Variants in EPSTI1 observed in about 807,000 individuals in gnomAD.
EPSTI1 encodes epithelial-stromal interaction protein 1.
EPSTI1 carries 66 observed loss-of-function variants against 49.9 expected under a neutral mutation model. That is an observed-to-expected ratio of 1.32 (90% CI 1.08 to 1.62). The LOEUF (loss-of-function observed/expected upper bound fraction) is 1.62, where lower values mean the gene tolerates loss of function less well. Among genes scored for constraint, EPSTI1 ranks in the 40% most tolerant of loss-of-function variants. The pLI is 0.00. For missense variants in EPSTI1, 394 were observed against 365.5 expected (o/e 1.08, Z -0.64); for synonymous variants, 137 against 130.7 (o/e 1.05, Z -0.33).
chr13:42,959,469 G>A (rs1423552094), intron 5 of EPSTI1, among the ~76,000 whole-genome samples: 1 of 152,168 alleles, frequency 6.6e-6, no homozygotes, highest in Non-Finnish European at 1.5e-5. Flanking sequence ...CCCTAAAATT[G>A]TTCTTAAACT....
chr13:42,942,879 G>A (rs1297062936), intron 6 of EPSTI1, among the ~76,000 whole-genome samples: 4 of 151,422 alleles, frequency 2.6e-5, no homozygotes, highest in Admixed American at 1.3e-4. Flanking sequence ...TAGTAGAGAC[G>A]GGGTTTCACC....
chr13:42,970,710 A>G, intron 1 of EPSTI1, 40 bp from the exon 2 acceptor site: 1 of 1,519,906 alleles, frequency 6.6e-7, no homozygotes, highest in South Asian at 1.2e-5. Context: ...TACCATGAGA[A>G]ACTACCAATG....
intron 5 of EPSTI1, among the ~76,000 whole-genome samples, chr13:42,958,340 C>CAT (rs2039337448): frequency 6.6e-6 from 1 of 152,002 alleles, no homozygotes; most frequent in South Asian, 2.1e-4. Context: ...AAGTTCGAAC[C>CAT]ATAATGCTTG....
chr13:42,908,483 T>TAAA (rs1566106781), intron 8 of EPSTI1, among the ~76,000 whole-genome samples: 2 of 61,098 alleles, frequency 3.3e-5, no homozygotes, highest in Non-Finnish European at 8.1e-5. Flanking sequence ...GACTCTGTTA[T>TAAA]GAAAAAAAAA....
chr13:42,893,661 A>G (rs2037103586), intron 10 of EPSTI1, among the ~76,000 whole-genome samples: 1 of 152,222 alleles, frequency 6.6e-6, no homozygotes, highest in Non-Finnish European at 1.5e-5. Flanking sequence ...GCAGAAGCCT[A>G]TGCAATATCC....
intron 7 of EPSTI1, among the ~76,000 whole-genome samples, chr13:42,924,067 T>C (rs1027255365): frequency 4.1e-4 from 63 of 152,246 alleles, no homozygotes; most frequent in Admixed American, 2.6e-4. Context: ...CAAAGAAATG[T>C]TCTTCACAGA....
intron 7 of EPSTI1, among the ~76,000 whole-genome samples, chr13:42,917,912 T>A (rs1434894890): frequency 6.6e-6 from 1 of 152,218 alleles, no homozygotes; most frequent in Non-Finnish European, 1.5e-5. Flanking sequence ...CCCTCAGAGA[T>A]AATCAACATA....
At chr13:42,916,968 C>T (rs1298831494) in intron 8 of EPSTI1, among the ~76,000 whole-genome samples, 1 of 152,140 alleles carries the variant, frequency 6.6e-6, no homozygotes. Flanking sequence ...AGAAATTTCA[C>T]ATTGTAATGA....
intron 6 of EPSTI1, among the ~76,000 whole-genome samples, chr13:42,936,024 C>G (rs1385468284): frequency 2.6e-5 from 4 of 152,206 alleles, no homozygotes; most frequent in Non-Finnish European, 4.4e-5. Flanking sequence ...CTTCCTATAT[C>G]TGTACCTATC....
chr13:42,968,782 G>A (rs983471557), intron 3 of EPSTI1, among the ~76,000 whole-genome samples: 1 of 152,036 alleles, frequency 6.6e-6, no homozygotes, highest in Non-Finnish European at 1.5e-5. Context: ...CAGGGCATAT[G>A]CAGCGCCCCA....
chr13:42,992,113 G>A lies in EPSTI1; in HGVS notation c.53C>T (p.Ser18Phe). 1 of 1,609,540 alleles carries A rather than the reference G, an allele frequency of 6.2e-7. No homozygotes were observed. Among genetic ancestry groups the A allele is most frequent in the Non-Finnish European group, 8.5e-7 (1 of 1,178,616 alleles). The change falls in exon 1 of 11, where the codon TCC (serine) becomes TTC (phenylalanine). Residue 18 changes from serine to phenylalanine, a missense_variant. Ser to Phe is a radical substitution (Grantham distance 155, BLOSUM62 -2). Transcript: ENST00000313624. ...GTCCTGGGGATCCCGGGTCGGGCGG[G>A]AGGCAGGGGAGGCGCCGAGCCCGGA... is the stretch of plus-strand genomic sequence containing the variant. ...VNSGLGASPA[S>F]RPTRDPQDPS...
intron 1 of EPSTI1, among the ~76,000 whole-genome samples, chr13:42,983,218 G>A (rs1055501315): frequency 3.9e-5 from 6 of 152,086 alleles, no homozygotes; most frequent in African/African-American, 7.2e-5. Flanking sequence ...TTACTGCTTC[G>A]ATATTACCAC....
intron 3 of EPSTI1, among the ~76,000 whole-genome samples, chr13:42,968,524 TC>T (rs1290290485): frequency 1.9e-4 from 29 of 152,234 alleles, no homozygotes; most frequent in African/African-American, 7.0e-4. Flanking sequence ...TCTGAATGAT[TC>T]AAACACCGGC....
chr13:42,888,147 T>G lies in EPSTI1; in HGVS notation c.*347A>C. 1 of 1,370,104 alleles carries G rather than the reference T, an allele frequency of 7.3e-7. No individual in the cohort carries two copies. The highest frequency in any genetic ancestry group is 1.0e-6 in the Non-Finnish European group (1 of 1,004,124). The allele number at this position is 1,370,104 out of a possible 1,614,324, so 84.9% of individuals were successfully genotyped here. ...GAGAATTAGATAAGAATATGTCACT[T>G]AGAAAGACAAGCCTGTAGCACCCAT... On this transcript the variant is annotated 3_prime_UTR_variant, in exon 11 of 11. Coordinates refer to ENST00000313624, the MANE Select transcript of EPSTI1 (RefSeq NM_033255.5).
chr13:42,901,899 A>G (rs998851615), intron 8 of EPSTI1, among the ~76,000 whole-genome samples: 2 of 151,758 alleles, frequency 1.3e-5, no homozygotes, highest in Non-Finnish European at 2.9e-5. Context: ...TATATCTCCC[A>G]ATGCTATCCC....
chr13:42,979,051 C>T (rs1270972776), intron 1 of EPSTI1, among the ~76,000 whole-genome samples: 1 of 152,106 alleles, frequency 6.6e-6, no homozygotes, highest in African/African-American at 2.4e-5. Context: ...AAAATTAGTA[C>T]ATATTTTTTC....
chr13:42,945,749 G>A (rs991188535), intron 6 of EPSTI1, among the ~76,000 whole-genome samples: 1 of 152,192 alleles, frequency 6.6e-6, no homozygotes, highest in African/African-American at 2.4e-5. Flanking sequence ...TCAGGGCAGT[G>A]GCAGTGGGAA....
intron 6 of EPSTI1, among the ~76,000 whole-genome samples, chr13:42,952,390 C>A (rs2039127943): frequency 1.3e-5 from 2 of 152,194 alleles, no homozygotes; most frequent in African/African-American, 4.8e-5. Context: ...CCAGAAGGAA[C>A]CAACTCCAGA....
At chr13:42,957,531 T>C (rs903660898) in intron 5 of EPSTI1, among the ~76,000 whole-genome samples, 5 of 152,224 alleles carry the variant, frequency 3.3e-5, no homozygotes, top group African/African-American at 1.2e-4. Flanking sequence ...AGGTGGAATT[T>C]GAAGGACAGA....
Sources: allele counts gnomAD v4.1 joint callset (sites outside exome capture counted in the v4.1 genomes callset), GRCh38; gene constraint gnomAD v4.1.1; transcripts MANE v1.5; gene names NCBI Gene and HGNC (gene_info 2026-07-23, HGNC 2026-07-21).